The following ITFG2 variants were observed in gnomAD, a reference collection of about 807,000 sequenced individuals.
ITFG2 encodes the protein KICSTOR complex protein ITFG2.
ITFG2 carries 36 observed loss-of-function variants against 54.4 expected under a neutral mutation model. That is an observed-to-expected ratio of 0.66 (90% CI 0.51 to 0.87). The LOEUF (loss-of-function observed/expected upper bound fraction) is 0.87, where lower values mean the gene tolerates loss of function less well. Among genes scored for constraint, ITFG2 ranks in the 40% least tolerant of loss-of-function variants. ITFG2 has a pLI of 0.00. For synonymous variants in ITFG2, 211 were observed against 225.4 expected (o/e 0.94, Z 0.57); for missense variants, 524 against 576.7 (o/e 0.91, Z 0.94).
intron 10 of ITFG2, among the ~76,000 whole-genome samples, chr12:2,823,547 G>A (rs921758006): frequency 3.3e-5 from 5 of 152,154 alleles, no homozygotes; most frequent in Non-Finnish European, 7.3e-5. Flanking sequence ...TATTCTGCCC[G>A]GGTTTTGTTA....
chr12:2,839,846 C>A (rs570003799), intron 1 of ITFG2, among the ~76,000 whole-genome samples: 1 of 152,312 alleles, frequency 6.6e-6, no homozygotes, highest in Admixed American at 6.5e-5. Flanking sequence ...AGCAAATTAA[C>A]ACAGAAACAG....
At chr12:2,816,352 CAG>C (rs1440486259) in intron 1 of ITFG2, among the ~76,000 whole-genome samples, 1 of 123,280 alleles carries the variant, frequency 8.1e-6, no homozygotes, top group Admixed American at 9.4e-5. Flanking sequence ...TTTTTTGAGA[CAG>C]AGTCTCGCTC....
intron 2 of ITFG2, among the ~76,000 whole-genome samples, chr12:2,853,426 C>CA (rs1410729749): frequency 2.6e-5 from 4 of 152,152 alleles, no homozygotes; most frequent in Non-Finnish European, 4.4e-5. Context: ...GCGCCTGCCA[C>CA]CACGCCCAGC....
chr12:2,835,262 C>T (rs1291157264), upstream of ITFG2: 1 of 959,712 alleles, frequency 1.0e-6, no homozygotes, highest in South Asian at 4.8e-5. Context: ...AGGTGGTTTG[C>T]GAGGAAGCGC....
chr12:2,842,600 C>T (rs2098044189), intron 2 of ITFG2, among the ~76,000 whole-genome samples: 2 of 152,046 alleles, frequency 1.3e-5, no homozygotes, highest in Non-Finnish European at 2.9e-5. Context: ...GGCATAGTGA[C>T]ATGCGCCTGT....
Position 2,822,652 on chromosome 12 carries a change from G to A in ITFG2, c.949-142G>A, listed in dbSNP as rs998238619. The A allele has an allele frequency of 1.0e-4, 74 of 711,110 alleles. No homozygotes were observed. In the Admixed American group the frequency reaches 1.7e-3, roughly 16 times the overall value. The allele number at this position is 711,110 out of a possible 1,614,324, so 44.1% of individuals were successfully genotyped here. A position where few individuals can be genotyped will look rare whatever the true frequency, so the allele number is the denominator to read the frequency against. On this transcript the variant is annotated intron_variant, in intron 9 of 11. Transcript: ENST00000228799. The stretch of plus-strand genomic sequence containing the variant: ...AAATTGCCTACTTCCTAGGGTGGCT[G>A]TGAGCATTATGTGAGGTGGCTCATT...
In ITFG2 at chr12:2,820,179, T is replaced by A; in HGVS notation, c.500T>A (p.Leu167Gln). The A allele has an allele frequency of 6.2e-7, 1 of 1,613,558 alleles. No individual in the cohort carries two copies. Among genetic ancestry groups the A allele is most frequent in the Non-Finnish European group, 8.5e-7 (1 of 1,179,742 alleles). The change falls in exon 5 of 12, where the codon CTG (leucine) becomes CAG (glutamine). Residue 167 changes from leucine to glutamine, a missense_variant. Leu to Gln is a moderately radical substitution (Grantham distance 113). Coordinates refer to ENST00000228799, the MANE Select transcript of ITFG2 (RefSeq NM_018463.4). ...GAGCTAGGTGAGGGTCCTGAACATC[T>A]GACAGGGCAGCTGGTGTCCCTCAAG... is the stretch of plus-strand genomic sequence containing the variant. ...WEELGEGPEH[L>Q]TGQLVSLKKW...
chr12:2,843,677 G>A (rs1487289758), intron 2 of ITFG2, among the ~76,000 whole-genome samples: 3 of 152,206 alleles, frequency 2.0e-5, no homozygotes, highest in African/African-American at 7.2e-5. Context: ...GGTGGGCATG[G>A]TGGCGTGCGC....
At chr12:2,838,552 C>CT (rs1161824379) in intron 1 of ITFG2, among the ~76,000 whole-genome samples, 1 of 152,168 alleles carries the variant, frequency 6.6e-6, no homozygotes, top group Non-Finnish European at 1.5e-5. Flanking sequence ...ATCAGCTTCT[C>CT]TCTTCCAGTT....
intron 2 of ITFG2, chr12:2,849,538 G>A (rs1603488216): frequency 6.5e-7 from 1 of 1,535,968 alleles, no homozygotes; most frequent in East Asian, 2.4e-5. Context: ...GTTGGGAGAA[G>A]GGTATGGAGA....
At chr12:2,834,584 TC>T, upstream of ITFG2, 1 of 1,522,700 alleles carries the variant, frequency 6.6e-7, no homozygotes, top group Non-Finnish European at 8.8e-7. Context: ...CTGCTCAGGA[TC>T]TGGGAAGTGG....
At chr12:2,830,026 A>G (rs1477825003), downstream of ITFG2, among the ~76,000 whole-genome samples, 1 of 148,934 alleles carries the variant, frequency 6.7e-6, no homozygotes, top group Non-Finnish European at 1.5e-5. Context: ...GCAGTGACAC[A>G]AGATCATGCC....
chr12:2,855,517 C>CT, intron 2 of ITFG2: 1 of 1,228,658 alleles, frequency 8.1e-7, no homozygotes, highest in Non-Finnish European at 1.1e-6. Context: ...GTGAGGCACT[C>CT]CGCTCTCCTT....
At chr12:2,831,958 G>A (rs1026240499), upstream of ITFG2, among the ~76,000 whole-genome samples, 3 of 151,946 alleles carry the variant, frequency 2.0e-5, no homozygotes, top group Admixed American at 2.0e-4. Flanking sequence ...TCGGATCCTT[G>A]GAACACCTTC....
At chr12:2,840,879 T>A (rs1302472602) in exon 2 of ITFG2, 1 of 152,396 alleles carries the variant, frequency 6.6e-6, no homozygotes, top group East Asian at 1.9e-4. Flanking sequence ...GAGAAAGTGG[T>A]GGAGCTGAGC....
chr12:2,827,302 G>A (rs1274303540), downstream of ITFG2: 1 of 1,612,968 alleles, frequency 6.2e-7, no homozygotes, highest in Non-Finnish European at 8.5e-7. This position sits in a 1 kb window ranked among gnomAD's most constrained non-coding sequence, Gnocchi z 4.0. Flanking sequence ...ATGCAGCACT[G>A]CGGGGTGTAG....
At chr12:2,815,480 G>C (rs2097919312) in intron 1 of ITFG2, among the ~76,000 whole-genome samples, 1 of 152,220 alleles carries the variant, frequency 6.6e-6, no homozygotes, top group African/African-American at 2.4e-5. Context: ...AGCCCCTTCA[G>C]GCTCTGCCCC....
At chr12:2,827,422 C>A, downstream of ITFG2, 1 of 1,522,354 alleles carries the variant, frequency 6.6e-7, no homozygotes, top group South Asian at 1.3e-5. The surrounding 1 kb of genome is among the most constrained non-coding windows in gnomAD (Gnocchi z 4.0). Context: ...TCCCCCATCC[C>A]CATTTCCCTA....
intron 2 of ITFG2, among the ~76,000 whole-genome samples, chr12:2,848,249 A>G (rs948118036): frequency 4.6e-5 from 7 of 152,164 alleles, no homozygotes; most frequent in South Asian, 2.1e-4. Context: ...GTGACCATCA[A>G]TGTGGGAATG....
Sources: gnomAD v4.1 joint callset for allele counts (sites outside exome capture counted in the v4.1 genomes callset) on GRCh38, gnomAD v4.1.1 for gene constraint, Gnocchi (gnomAD v3.1) non-coding constraint, MANE v1.5 for transcripts, NCBI Gene and HGNC (gene_info 2026-07-23, HGNC 2026-07-21) for gene names.